The following PPT1 variants were observed in gnomAD, a reference collection of about 807,000 sequenced individuals.
PPT1 encodes ceroid-palmitoyl-palmitoyl-protein thioesterase 1.
PPT1 carries 24 observed loss-of-function variants against 44.0 expected under a neutral mutation model. The observed-to-expected ratio is 0.54, with a 90% confidence interval of 0.39 to 0.77. The LOEUF is 0.77. Ranked by LOEUF, PPT1 falls within the 30% of genes least tolerant of loss-of-function variation. The probability of loss-of-function intolerance (pLI) is 0.00; values close to 1 mark genes in which losing one functional copy is unlikely to be tolerated. For synonymous variants in PPT1, 148 were observed against 140.2 expected (o/e 1.06, Z -0.39); for missense variants, 341 against 378.8 (o/e 0.90, Z 0.83).
chr1:40,095,942 T>C (rs1649817822), intron 1 of PPT1, among the ~76,000 whole-genome samples: 2 of 152,182 alleles, frequency 1.3e-5, no homozygotes, highest in South Asian at 4.1e-4. Flanking sequence ...CTAGGCCCAA[T>C]AACTTCTGTA....
chr1:40,092,114 G>T lies in PPT1; in HGVS notation c.293C>A (p.Ala98Glu), dbSNP rs768065632. 6 of 1,613,922 alleles carry T rather than the reference G, an allele frequency of 3.7e-6. No homozygotes were observed. The highest frequency in any genetic ancestry group is 3.4e-6 in the Non-Finnish European group (4 of 1,179,908). ...VNSQVTTVCQ[A>E]LAKDPKLQQG... ...CTGCAATTTAGGATCCTTAGCAAGT[G>T]CCTGACACACTGTTGTTACTTGGGA... Residue 98 changes from alanine (A) to glutamate (E), a missense_variant, in exon 3 of 9, where the codon GCA (alanine) becomes GAA (glutamate). Physicochemically the swap from Ala to Glu is moderately radical, Grantham distance 107. Coordinates refer to ENST00000642050, the MANE Select transcript of PPT1 (RefSeq NM_000310.4).
intron 5 of PPT1, among the ~76,000 whole-genome samples, chr1:40,088,292 G>A (rs1270206689): frequency 2.0e-5 from 3 of 152,054 alleles, no homozygotes; most frequent in South Asian, 2.1e-4. Flanking sequence ...GATTACAGGC[G>A]TGCGCCACCA....
intron 5 of PPT1, among the ~76,000 whole-genome samples, chr1:40,083,500 AAAAC>A (rs1017465019): frequency 2.6e-5 from 4 of 152,116 alleles, no homozygotes; most frequent in African/African-American, 9.7e-5. Flanking sequence ...ACAAACTCAA[AAAAC>A]AAACAAATAT....
At chr1:40,089,832 C>A (rs1649459303) in intron 4 of PPT1, among the ~76,000 whole-genome samples, 1 of 151,470 alleles carries the variant, frequency 6.6e-6, no homozygotes, top group African/African-American at 2.4e-5. Flanking sequence ...ATAGTACCCA[C>A]CCCCATTTCC....
At chr1:40,092,012 A>G (rs761513021) in intron 3 of PPT1, 33 bp downstream of exon 3, 33 of 1,612,220 alleles carry the variant, frequency 2.0e-5, no homozygotes, top group Non-Finnish European at 2.6e-5. Flanking sequence ...TCAATTCCAT[A>G]TAAGTGGTAC....
chr1:40,075,584 A>T (rs1323683796), intron 8 of PPT1, among the ~76,000 whole-genome samples: 1 of 151,730 alleles, frequency 6.6e-6, no homozygotes, highest in African/African-American at 2.4e-5. Context: ...GAGACAAATG[A>T]CCTCTGAAAT....
At chr1:40,080,723 A>G (rs1648888766) in intron 5 of PPT1, among the ~76,000 whole-genome samples, 1 of 152,090 alleles carries the variant, frequency 6.6e-6, no homozygotes, top group African/African-American at 2.4e-5. Context: ...AAACTACAAA[A>G]ATTAGCCAGG....
At chr1:40,091,428 G>T in intron 3 of PPT1, 29 bp from the exon 4 acceptor site, 5 of 1,565,498 alleles carry the variant, frequency 3.2e-6, no homozygotes, top group South Asian at 1.1e-5. Flanking sequence ...TTTTAGCTCC[G>T]ACTGTCAGAT....
intron 8 of PPT1, among the ~76,000 whole-genome samples, chr1:40,075,958 CAAAAAAAAA>C (rs56338772): frequency 1.2e-4 from 5 of 41,832 alleles, no homozygotes; most frequent in Admixed American, 4.4e-4. Context: ...AAGACTGTCT[CAAAAAAAAA>C]AAAAAAAAAA....
intron 3 of PPT1, 117 bp from the exon 4 acceptor site, chr1:40,091,516 G>T (rs1649563307): frequency 2.2e-6 from 2 of 917,914 alleles, no homozygotes; most frequent in Non-Finnish European, 3.5e-6. Context: ...CAGAGTTTCA[G>T]GATTTTCCTG....
chr1:40,088,727 A>G (rs1455853167), intron 5 of PPT1, among the ~76,000 whole-genome samples: 1 of 152,156 alleles, frequency 6.6e-6, no homozygotes, highest in Non-Finnish European at 1.5e-5. Flanking sequence ...TAAATACCCA[A>G]ATACATTTGA....
intron 5 of PPT1, among the ~76,000 whole-genome samples, chr1:40,081,663 G>A (rs1211778786): frequency 6.6e-6 from 1 of 152,172 alleles, no homozygotes; most frequent in Non-Finnish European, 1.5e-5. Flanking sequence ...CCATGATTGT[G>A]AGGCTTCCCC....
At chr1:40,071,937 A>C, downstream of PPT1, 1 of 410,466 alleles carries the variant, frequency 2.4e-6, no homozygotes, top group East Asian at 3.5e-5. Context: ...ATGAGCATGA[A>C]GGTAGCAGAA....
At chr1:40,096,947 C>T in intron 1 of PPT1, 168 bp downstream of exon 1, 1 of 1,249,384 alleles carries the variant, frequency 8.0e-7, no homozygotes, top group Non-Finnish European at 1.2e-6. Flanking sequence ...GGGGACGGCT[C>T]CTTCCCCTTC....
At chr1:40,089,297 A>AAAAAAAAAAAAAATT in intron 5 of PPT1, 113 bp downstream of exon 5, 6 of 616,450 alleles carry the variant, frequency 9.7e-6, no homozygotes, top group Non-Finnish European at 1.5e-5. Context: ...AAAAAAAAAG[A>AAAAAAAAAAAAAATT]TCTCATTTGA....
chr1:40,093,704 G>A (rs1649691723), intron 1 of PPT1, among the ~76,000 whole-genome samples: 1 of 151,754 alleles, frequency 6.6e-6, no homozygotes, highest in South Asian at 2.1e-4. Flanking sequence ...GGGCAACATG[G>A]TGAAACCCCA....
At chr1:40,071,922 T>C, downstream of PPT1, 2 of 412,126 alleles carry the variant, frequency 4.9e-6, no homozygotes, top group Non-Finnish European at 8.6e-6. Context: ...AATCTTTTTT[T>C]AACAATGAGC....
rs937460159 is a variant in PPT1, at chr1:40,073,080, G to T, written c.*981C>A. 1 of 152,212 alleles carries T rather than the reference G, an allele frequency of 6.6e-6. No homozygotes were observed. The highest frequency in any genetic ancestry group is 2.4e-5 in the African/African-American group (1 of 41,436). The allele number at this position is 152,212 out of a possible 1,614,324, so 9.4% of individuals were successfully genotyped here. On this transcript the variant is annotated 3_prime_UTR_variant, in exon 9 of 9. Transcript: ENST00000642050. ...GGGTTGATCTCCAGAAGGAGAAAGGGAGTGTGTAGTATTTTCCAAGCTTTT... is the reference window on the plus strand; with the variant it reads ...GGGTTGATCTCCAGAAGGAGAAAGGTAGTGTGTAGTATTTTCCAAGCTTTT...
At chr1:40,085,843 G>C (rs185679308) in intron 5 of PPT1, among the ~76,000 whole-genome samples, 2 of 152,248 alleles carry the variant, frequency 1.3e-5, no homozygotes, top group African/African-American at 4.8e-5. Flanking sequence ...GCTTTATTGT[G>C]GTGGTCTAGA....
Sources: gnomAD v4.1 joint callset for allele counts (sites outside exome capture counted in the v4.1 genomes callset) on GRCh38, gnomAD v4.1.1 for gene constraint, MANE v1.5 for transcripts, NCBI Gene and HGNC (gene_info 2026-07-23, HGNC 2026-07-21) for gene names.